Variants in NTRK2 observed in about 807,000 individuals in gnomAD.
NTRK2 encodes the protein neurotrophic receptor tyrosine kinase 2.
A neutral mutation model predicts 94.5 loss-of-function variants in NTRK2; 13 were observed. The ratio of observed to expected loss-of-function variants is 0.14; its 90% confidence interval spans 0.09 to 0.22. The LOEUF (loss-of-function observed/expected upper bound fraction) is 0.22. Ranked by LOEUF, NTRK2 falls within the 10% of genes least tolerant of loss-of-function variation. The pLI is 1.00. For synonymous variants in NTRK2, 372 were observed against 407.4 expected, an observed-to-expected ratio of 0.91 and a Z score of 1.05; for missense variants, 639 against 1,071.2, an observed-to-expected ratio of 0.60 and a Z score of 5.63.
intron 14 of NTRK2, among the ~76,000 whole-genome samples, chr9:84,921,014 T>C (rs918210962): frequency 6.6e-6 from 1 of 152,210 alleles, no homozygotes; most frequent in African/African-American, 2.4e-5. Flanking sequence ...CATACTAACA[T>C]ATAAGAACAG....
intron 14 of NTRK2, among the ~76,000 whole-genome samples, chr9:84,925,294 C>G (rs2077722770): frequency 6.6e-6 from 1 of 151,794 alleles, no homozygotes; most frequent in Admixed American, 6.6e-5. Flanking sequence ...CCCCTAACCC[C>G]CATGTGCTGG....
intron 14 of NTRK2, chr9:84,877,123 G>A: frequency 1.0e-5 from 11 of 1,064,838 alleles, no homozygotes; most frequent in Non-Finnish European, 1.3e-5. Context: ...TTCTCGGATT[G>A]TGTATATGCT....
chr9:84,742,119 A>G (rs1373293880), intron 10 of NTRK2, among the ~76,000 whole-genome samples, 192 bp downstream of exon 10: 1 of 152,244 alleles, frequency 6.6e-6, no homozygotes, highest in East Asian at 1.9e-4. Context: ...GTGCCTGTAA[A>G]TAGCACTTTC....
At chr9:84,723,795 T>C in intron 7 of NTRK2, 86 bp downstream of exon 7, 1 of 1,546,130 alleles carries the variant, frequency 6.5e-7, no homozygotes, top group Non-Finnish European at 8.9e-7. Context: ...GATGATCATT[T>C]GATATTTTAT....
Position 84,987,680 on chromosome 9 carries a change from A to G in NTRK2, c.2172+32163A>G, listed in dbSNP as rs534220911. On this transcript the variant is annotated intron_variant, in intron 17 of 18. Transcript: ENST00000277120. Reference sequence around the variant, plus strand: ...ACATGAGGAGAATTAACTGCTTTCAATTTTCTCTTTAAATAGTATTTTCTT... The same window carrying G: ...ACATGAGGAGAATTAACTGCTTTCAGTTTTCTCTTTAAATAGTATTTTCTT... Among the ~76,000 whole-genome samples, 13 of 152,278 alleles carry G rather than the reference A, an allele frequency of 8.5e-5. No homozygotes were observed. The East Asian group carries it at 2.3e-3, about 27-fold the overall frequency.
In NTRK2 at chr9:84,842,265, T is replaced by C. The variant is rs530999688; in HGVS notation, c.1397-18775T>C. Among the ~76,000 whole-genome samples the C allele has an allele frequency of 1.1e-3, 167 of 152,288 alleles. 1 individual carries two copies. Among genetic ancestry groups the C allele is most frequent in the African/African-American group, 3.9e-3 (161 of 41,558 alleles). Reference sequence around the variant, plus strand: ...TCTCTATCTGCACTTCCTTCTTTACTCTTCACCCTCCTGATCTAAGTCTTG... The same window carrying C: ...TCTCTATCTGCACTTCCTTCTTTACCCTTCACCCTCCTGATCTAAGTCTTG... On this transcript the variant is annotated intron_variant, in intron 12 of 18. Coordinates refer to ENST00000277120, the MANE Select transcript of NTRK2 (RefSeq NM_006180.6).
chr9:84,864,724 C>CATCTTA (rs1327220826), intron 13 of NTRK2, among the ~76,000 whole-genome samples: 8 of 141,424 alleles, frequency 5.7e-5, no homozygotes, highest in Non-Finnish European at 1.2e-4. Flanking sequence ...TAGCATAACA[C>CATCTTA]ATCTTAATTT....
chr9:84,888,982 A>ATTTTTTTTTTTTTTTTTTTTTTTTTTT lies in NTRK2; in HGVS notation c.1633+21577_1633+21578insTTTTTTTTTTTTTTTTTTTTTTTTTTT, dbSNP rs71369159. Among the ~76,000 whole-genome samples, 15 of 101,706 alleles carry ATTTTTTTTTTTTTTTTTTTTTTTTTTT rather than the reference A, an allele frequency of 1.5e-4. 5 individuals carry two copies. The highest frequency in any genetic ancestry group is 5.7e-4 in the East Asian group (2 of 3,490). The allele number at this position is 101,706 out of a possible 152,430, so 66.7% of individuals were successfully genotyped here. On this transcript the variant is annotated intron_variant, in intron 14 of 18. Coordinates refer to ENST00000277120, the MANE Select transcript of NTRK2 (RefSeq NM_006180.6). ...TCCCCATTATTTATTAATGACAGAA[A>ATTTTTTTTTTTTTTTTTTTTTTTTTTT]TTTTTTTTTTTTTTTTTTTTTTTTT...
At chr9:84,713,803 T>C (rs1257125831) in intron 6 of NTRK2, among the ~76,000 whole-genome samples, 1 of 152,084 alleles carries the variant, frequency 6.6e-6, no homozygotes, top group Non-Finnish European at 1.5e-5. Flanking sequence ...GTGCTTTTTA[T>C]ATTTTTTCCC....
intron 17 of NTRK2, among the ~76,000 whole-genome samples, chr9:85,017,127 T>C (rs1218075554): frequency 6.6e-6 from 1 of 151,966 alleles, no homozygotes; most frequent in Non-Finnish European, 1.5e-5. Flanking sequence ...AAATGAAGAG[T>C]TCAGGAGAGT....
At chr9:84,696,520 G>C (rs2060385742) in intron 2 of NTRK2, among the ~76,000 whole-genome samples, 1 of 152,158 alleles carries the variant, frequency 6.6e-6, no homozygotes, top group Non-Finnish European at 1.5e-5. Context: ...GGATCAGTTT[G>C]GGTGCCCTAA....
intron 14 of NTRK2, chr9:84,873,074 C>G: frequency 9.4e-7 from 1 of 1,064,174 alleles, no homozygotes; most frequent in Non-Finnish European, 1.1e-6. Context: ...AGTGCGGGGC[C>G]CCTCAGAGTT....
chr9:84,787,302 C>T (rs900262344), intron 12 of NTRK2, among the ~76,000 whole-genome samples: 1 of 151,302 alleles, frequency 6.6e-6, no homozygotes, highest in Non-Finnish European at 1.5e-5. Flanking sequence ...CCGTCTAAAA[C>T]AAACAAACAA....
intron 17 of NTRK2, among the ~76,000 whole-genome samples, chr9:84,998,355 C>T (rs1006887171): frequency 6.6e-6 from 1 of 152,176 alleles, no homozygotes; most frequent in African/African-American, 2.4e-5. Flanking sequence ...ACCAGCTTTG[C>T]CCCTGGGCCA....
At chr9:84,789,175 A>T (rs527908545) in intron 12 of NTRK2, among the ~76,000 whole-genome samples, 10 of 152,104 alleles carry the variant, frequency 6.6e-5, no homozygotes, top group Non-Finnish European at 1.5e-4. Flanking sequence ...ACGCAGGGGG[A>T]GAGAAGAAAC....
At chr9:84,901,886 G>A (rs1394432216) in intron 14 of NTRK2, among the ~76,000 whole-genome samples, 1 of 152,098 alleles carries the variant, frequency 6.6e-6, no homozygotes, top group East Asian at 1.9e-4. Flanking sequence ...TATTGCTTCA[G>A]TAGTAGTTGA....
At chr9:84,797,653 A>ACAT (rs2069604014) in intron 12 of NTRK2, among the ~76,000 whole-genome samples, 1 of 45,202 alleles carries the variant, frequency 2.2e-5, no homozygotes, top group Non-Finnish European at 3.6e-5. Flanking sequence ...CTATAATAAT[A>ACAT]TATATATTAT....
intron 12 of NTRK2, among the ~76,000 whole-genome samples, chr9:84,839,091 G>GCT: frequency 6.6e-6 from 1 of 152,242 alleles, no homozygotes; most frequent in Middle Eastern, 3.4e-3. Context: ...TCAGAACGAT[G>GCT]CTTTGTATTA....
At chr9:84,707,307 C>T (rs968962825) in intron 4 of NTRK2, among the ~76,000 whole-genome samples, 1 of 152,024 alleles carries the variant, frequency 6.6e-6, no homozygotes, top group East Asian at 1.9e-4. Context: ...TGGAGGTATG[C>T]GGTTATTTAG....
Sources: gnomAD v4.1 joint callset for allele counts (sites outside exome capture counted in the v4.1 genomes callset) on GRCh38, gnomAD v4.1.1 for gene constraint, MANE v1.5 for transcripts, NCBI Gene and HGNC (gene_info 2026-07-23, HGNC 2026-07-21) for gene names.